SHPRH: variants seen among roughly 807,000 people sequenced by gnomAD.
The protein encoded by SHPRH is E3 ubiquitin-protein ligase SHPRH.
Under a neutral mutation model 202.5 loss-of-function variants are expected in SHPRH, and 106 were observed. That is an observed-to-expected ratio of 0.52 (90% confidence interval 0.45 to 0.62). The LOEUF is 0.62. Ranked by LOEUF, SHPRH falls within the 20% of genes least tolerant of loss-of-function variation. SHPRH has a pLI of 0.00. For missense variants in SHPRH, 1,710 were observed against 2,020.0 expected, an observed-to-expected ratio of 0.85 and a Z score of 2.94; for synonymous variants, 729 against 686.0, an observed-to-expected ratio of 1.06 and a Z score of -0.98.
intron 20 of SHPRH, among the ~76,000 whole-genome samples, chr6:145,921,730 G>A (rs1784448722): frequency 6.6e-6 from 1 of 151,872 alleles, no homozygotes; most frequent in South Asian, 2.1e-4. Flanking sequence ...ACAGAATTTG[G>A]ACAGAAACAT....
chr6:145,906,582 CTA>C (rs1782980598), intron 25 of SHPRH: 1 of 152,082 alleles, frequency 6.6e-6, no homozygotes, highest in South Asian at 2.1e-4. Flanking sequence ...TATCTTCAGT[CTA>C]TCCTTTTTTC....
intron 28 of SHPRH, among the ~76,000 whole-genome samples, chr6:145,889,583 TA>T (rs1198971123): frequency 3.9e-5 from 6 of 152,110 alleles, no homozygotes; most frequent in African/African-American, 1.4e-4. Context: ...CAAAATTATT[TA>T]AAATATTATA....
At chr6:145,919,593 C>A in intron 21 of SHPRH, 102 bp from the exon 22 acceptor site, 3 of 1,363,260 alleles carry the variant, frequency 2.2e-6, no homozygotes, top group Middle Eastern at 1.9e-4. Flanking sequence ...TGAGATCTTA[C>A]ACTTTTTCGC....
chr6:145,922,692 G>A lies in SHPRH; in HGVS notation c.3690C>T (p.His1230=), dbSNP rs1280795701. The A allele has an allele frequency of 1.2e-6, 2 of 1,609,884 alleles. No homozygotes were observed. Among genetic ancestry groups the A allele is most frequent in the South Asian group, 1.1e-5 (1 of 90,680 alleles). ...TGAGAGGAAGTCTGGCTGGTCGGAG[G>A]TGACAGACTGTTGCAGACTCAATAA... The part of the protein sequence containing the change: ...RNVIESATVC[H]LRPARLPLNC... Residue 1230 remains histidine (H), a synonymous_variant, in exon 19 of 30, where the codon CAC becomes CAT. Transcript: ENST00000275233.
intron 17 of SHPRH, 26 bp downstream of exon 17, chr6:145,924,713 G>A: frequency 2.5e-6 from 4 of 1,594,034 alleles, no homozygotes; most frequent in Non-Finnish European, 3.4e-6. Flanking sequence ...GCAAATACAA[G>A]TAAGAAACAC....
At chr6:145,955,910 T>G (rs1788458663) in intron 1 of SHPRH, among the ~76,000 whole-genome samples, 1 of 151,998 alleles carries the variant, frequency 6.6e-6, no homozygotes, top group Non-Finnish European at 1.5e-5. Flanking sequence ...TCTCAATATG[T>G]TAAAGGTAGA....
intron 1 of SHPRH, among the ~76,000 whole-genome samples, chr6:145,961,456 C>T (rs749540837): frequency 3.9e-5 from 6 of 152,198 alleles, no homozygotes; most frequent in Non-Finnish European, 8.8e-5. Context: ...GACTGCCCAG[C>T]TTGGTTTGGT....
chr6:145,930,001 A>G (rs1209067180), intron 14 of SHPRH, among the ~76,000 whole-genome samples: 1 of 152,122 alleles, frequency 6.6e-6, no homozygotes, highest in Non-Finnish European at 1.5e-5. Flanking sequence ...TATTTTATTG[A>G]CAAAGACACT....
chr6:145,921,443 A>T, intron 20 of SHPRH, 51 bp from the exon 21 acceptor site: 1 of 1,538,520 alleles, frequency 6.5e-7, no homozygotes, highest in Non-Finnish European at 9.0e-7. Context: ...GTGAGTGAAA[A>T]GCAACCTTCA....
chr6:145,928,479 C>G (rs953043489), intron 14 of SHPRH, among the ~76,000 whole-genome samples: 1 of 151,700 alleles, frequency 6.6e-6, no homozygotes, highest in African/African-American at 2.4e-5. Context: ...AAAAAAACTT[C>G]AAGCTGGTTT....
chr6:145,897,109 T>A (rs1782078023), intron 25 of SHPRH, among the ~76,000 whole-genome samples: 1 of 151,866 alleles, frequency 6.6e-6, no homozygotes, highest in African/African-American at 2.4e-5. Context: ...AATGAAATTC[T>A]TAGTTGGTTA....
chr6:145,935,756 A>G (rs921509931), intron 11 of SHPRH: 4 of 215,918 alleles, frequency 1.9e-5, no homozygotes, highest in African/African-American at 9.1e-5. Context: ...AACTGAATGT[A>G]CTTGGTAAGA....
At chr6:145,909,164 G>C (rs1783253563) in intron 25 of SHPRH, 1 of 152,034 alleles carries the variant, frequency 6.6e-6, no homozygotes, top group African/African-American at 2.4e-5. Flanking sequence ...TTTGAAATCA[G>C]GTAGCATGAT....
At chr6:145,900,131 A>G (rs1291294035) in intron 25 of SHPRH, among the ~76,000 whole-genome samples, 1 of 152,132 alleles carries the variant, frequency 6.6e-6, no homozygotes, top group African/African-American at 2.4e-5. Context: ...CTACCACACA[A>G]TCCAGCAGTT....
intron 24 of SHPRH, among the ~76,000 whole-genome samples, chr6:145,912,237 G>T (rs182027235): frequency 6.6e-6 from 1 of 151,850 alleles, no homozygotes; most frequent in South Asian, 2.1e-4. Flanking sequence ...CCCTAAATTA[G>T]AAGGGGGGAG....
In SHPRH at chr6:145,923,783, A is replaced by C. The variant is rs779430302; in HGVS notation, c.3405T>G (p.Ile1135Met). 5 of 1,607,762 alleles carry C rather than the reference A, an allele frequency of 3.1e-6. No homozygotes were observed. In the South Asian group the frequency reaches 3.3e-5, roughly 11 times the overall value. Residue 1135 changes from isoleucine to methionine, a missense_variant and splice_region_variant, in exon 18 of 30, where the codon ATT becomes ATG. By Grantham distance (10) the Ile-to-Met change is conservative (BLOSUM62 1). Coordinates refer to ENST00000275233, the MANE Select transcript of SHPRH (RefSeq NM_001042683.3). ...QQTIHELQRK[I>M]HSNSPWWLNV... ...TTAGCCACCAAGGAGAATTAGAATG[A>C]ATCTGTAAAAAAGGTAGCAGTTAAT... is the stretch of plus-strand genomic sequence containing the variant.
chr6:145,880,378 T>C (rs1780505887), downstream of SHPRH, among the ~76,000 whole-genome samples: 1 of 151,946 alleles, frequency 6.6e-6, no homozygotes, highest in Non-Finnish European at 1.5e-5. Context: ...CCTGTAATCT[T>C]AGCACTTTGG....
rs1410105184 is a variant in SHPRH, at chr6:145,932,966, C to CA, written c.3112+90_3112+91insT. 6 of 1,380,232 alleles carry CA rather than the reference C, an allele frequency of 4.3e-6. No individual in the cohort carries two copies. The African/African-American group carries it at 5.9e-5, about 14-fold the overall frequency. 85.5% of individuals were successfully genotyped at this position (1,380,232 alleles called of 1,614,324 possible). On this transcript the variant is annotated intron_variant, in intron 14 of 29. Coordinates refer to ENST00000275233, the MANE Select transcript of SHPRH (RefSeq NM_001042683.3). ...AGAGTATCTTTTTGGGGGAAAAATC[C>CA]CCCCCCCAAAAATCAAAATCTATTT...
At chr6:145,941,987 G>C in intron 9 of SHPRH, 113 bp from the exon 10 acceptor site, 1 of 1,277,026 alleles carries the variant, frequency 7.8e-7, no homozygotes, top group Non-Finnish European at 1.1e-6. Context: ...GAGCATTCAT[G>C]CTATGAGACA....
Sources: allele counts gnomAD v4.1 joint callset (sites outside exome capture counted in the v4.1 genomes callset), GRCh38; gene constraint gnomAD v4.1.1; transcripts MANE v1.5; gene names NCBI Gene and HGNC (gene_info 2026-07-23, HGNC 2026-07-21).